STAU1: variants seen among roughly 807,000 people sequenced by gnomAD.
The protein encoded by STAU1 is staufen double-stranded RNA binding protein 1, also known as double-stranded RNA-binding protein Staufen homolog 1.
A neutral mutation model predicts 62.9 loss-of-function variants in STAU1; 13 were observed. The ratio of observed to expected loss-of-function variants is 0.21; its 90% CI spans 0.13 to 0.33. STAU1 has a LOEUF of 0.33. STAU1 is among the 10% of genes least tolerant of loss of function. The pLI, the probability that STAU1 is intolerant of heterozygous loss-of-function variation, is 1.00. For synonymous variants in STAU1, 269 were observed against 265.1 expected (o/e 1.01, Z -0.14); for missense variants, 571 against 712.1 (o/e 0.80, Z 2.25).
intron 2 of STAU1, among the ~76,000 whole-genome samples, chr20:49,171,562 C>T (rs999084528): frequency 6.6e-6 from 1 of 152,220 alleles, no homozygotes; most frequent in Non-Finnish European, 1.5e-5. Context: ...GCTGGGATTA[C>T]AAGCGTGAGC....
At position 49,123,465 on chromosome 20, in the gene STAU1, C is replaced by T. The variant is rs921691366; in HGVS notation, c.823-230G>A. ...AACCAACATCAACATTTCACTATAA[C>T]GAAGCGTCACTATGACTGCGACGGC... is the stretch of plus-strand genomic sequence containing the variant. On this transcript the variant is annotated intron_variant, in intron 7 of 13. Coordinates refer to ENST00000371856, the MANE Select transcript of STAU1 (RefSeq NM_017453.4). Among the ~76,000 whole-genome samples, 6 of 152,226 alleles carry T rather than the reference C, an allele frequency of 3.9e-5. No individual in the cohort carries two copies. The South Asian group carries it at 6.2e-4, about 16-fold the overall frequency.
upstream of STAU1, among the ~76,000 whole-genome samples, chr20:49,191,835 G>A (rs975391369): frequency 6.6e-6 from 1 of 152,068 alleles, no homozygotes; most frequent in African/African-American, 2.4e-5. Context: ...CGGATCTCTT[G>A]AGGTCAGGAG....
At chr20:49,153,194 G>A (rs1384761562) in intron 4 of STAU1, among the ~76,000 whole-genome samples, 2 of 147,310 alleles carry the variant, frequency 1.4e-5, no homozygotes, top group Non-Finnish European at 3.0e-5. Flanking sequence ...AGCTTGCAGT[G>A]AGCCGAGATC....
chr20:49,134,833 C>T, intron 6 of STAU1: 2 of 1,512,264 alleles, frequency 1.3e-6, no homozygotes, highest in African/African-American at 1.4e-5. Context: ...CAATTTATAC[C>T]AAACCTGCAA....
chr20:49,149,818 G>C (rs1460914932), intron 5 of STAU1, among the ~76,000 whole-genome samples: 2 of 152,192 alleles, frequency 1.3e-5, no homozygotes, highest in Admixed American at 1.3e-4. Context: ...TGTGCGGCCA[G>C]CCATGAAGCC....
intron 3 of STAU1, among the ~76,000 whole-genome samples, chr20:49,160,459 A>T (rs2093430941): frequency 6.6e-6 from 1 of 152,192 alleles, no homozygotes; most frequent in Admixed American, 6.5e-5. Flanking sequence ...ATATCATCTT[A>T]CGCTACAGCT....
intron 6 of STAU1, 36 bp from the exon 7 acceptor site, chr20:49,124,623 G>A (rs1381089411): frequency 1.2e-6 from 2 of 1,608,562 alleles, no homozygotes; most frequent in African/African-American, 1.3e-5. Context: ...AAAGCGGACA[G>A]ACACTTATTA....
chr20:49,137,521 G>A (rs944901775), intron 5 of STAU1, among the ~76,000 whole-genome samples: 15 of 152,116 alleles, frequency 9.9e-5, no homozygotes, highest in Admixed American at 7.9e-4. Context: ...TTTTGTCAAA[G>A]AATTTATAAA....
intron 5 of STAU1, among the ~76,000 whole-genome samples, chr20:49,142,988 A>G (rs1263257235): frequency 6.6e-6 from 1 of 151,886 alleles, no homozygotes; most frequent in Non-Finnish European, 1.5e-5. Flanking sequence ...TTTGGTAGAG[A>G]TGAGGTCTCT....
the STAU1 span, among the ~76,000 whole-genome samples, chr20:49,217,225 G>GA: frequency 6.6e-6 from 1 of 152,094 alleles, no homozygotes; most frequent in African/African-American, 2.4e-5. Context: ...AGTGACACAG[G>GA]AATGCGAAAT....
In STAU1 at chr20:49,162,603, T is replaced by C. The variant is rs2093465816; in HGVS notation, c.205+3394A>G. Among the ~76,000 whole-genome samples the C allele has an allele frequency of 2.6e-5, 4 of 151,390 alleles. No individual in the cohort carries two copies. The South Asian group carries it at 6.3e-4, about 24-fold the overall frequency. ...TCCTGGCTAACAAGGTGAAACCCCA[T>C]CTCTACTAAAAATACCAAAAAAATT... On this transcript the variant is annotated intron_variant, in intron 3 of 13. Transcript: ENST00000371856.
chr20:49,126,158 T>A (rs2092607334), intron 6 of STAU1, among the ~76,000 whole-genome samples: 3 of 150,896 alleles, frequency 2.0e-5, no homozygotes, highest in Admixed American at 1.3e-4. Flanking sequence ...TTTTAAGATA[T>A]GAAACTAAAA....
chr20:49,214,695 G>A, the STAU1 span, among the ~76,000 whole-genome samples: 2 of 152,122 alleles, frequency 1.3e-5, no homozygotes, highest in Non-Finnish European at 2.9e-5. Flanking sequence ...AGCTCATAGA[G>A]TCATGAGGAT....
chr20:49,135,056 G>C (rs2092846032), intron 6 of STAU1: 4 of 1,318,722 alleles, frequency 3.0e-6, no homozygotes, highest in East Asian at 2.3e-5. Flanking sequence ...GCCCTGGGCA[G>C]CATTTTCCAG....
chr20:49,193,682 A>AGC, the STAU1 span, among the ~76,000 whole-genome samples: 1 of 67,100 alleles, frequency 1.5e-5, no homozygotes, highest in African/African-American at 8.7e-5. Flanking sequence ...GTCTCAAAAA[A>AGC]ACGGGCCGGG....
At chr20:49,131,345 T>C (rs2092743934) in intron 6 of STAU1, among the ~76,000 whole-genome samples, 1 of 152,078 alleles carries the variant, frequency 6.6e-6, no homozygotes, top group East Asian at 1.9e-4. Flanking sequence ...TGGTGAAATG[T>C]GAATGTAGGA....
intron 3 of STAU1, chr20:49,158,843 T>C (rs750964940): frequency 1.6e-5 from 14 of 889,178 alleles, no homozygotes; most frequent in Non-Finnish European, 2.0e-5. Flanking sequence ...CTCATGCCTG[T>C]AATCCCAGCA....
intron 5 of STAU1, 85 bp from the exon 6 acceptor site, chr20:49,136,016 T>A: frequency 9.6e-7 from 1 of 1,042,736 alleles, no homozygotes; most frequent in Non-Finnish European, 1.4e-6. Context: ...ATCCCAGCAC[T>A]TTGAAGGCTA....
intron 3 of STAU1, among the ~76,000 whole-genome samples, chr20:49,164,352 A>T (rs2093494454): frequency 6.6e-6 from 1 of 151,618 alleles, no homozygotes; most frequent in South Asian, 2.1e-4. Context: ...GCTGGATGGA[A>T]TACAGTGGTA....
Sources: allele counts gnomAD v4.1 joint callset (sites outside exome capture counted in the v4.1 genomes callset), GRCh38; gene constraint gnomAD v4.1.1; transcripts MANE v1.5; gene names NCBI Gene and HGNC (gene_info 2026-07-23, HGNC 2026-07-21).